The following USP42 variants were observed in gnomAD, a reference collection of about 807,000 sequenced individuals.
The protein encoded by USP42 is ubiquitin specific peptidase 42, also known as ubiquitin carboxyl-terminal hydrolase 42.
A neutral mutation model predicts 113.0 loss-of-function variants in USP42; 23 were observed. The observed-to-expected ratio is 0.20, with a 90% CI of 0.15 to 0.29. The LOEUF (loss-of-function observed/expected upper bound fraction) is 0.29, where lower values mean the gene tolerates loss of function less well. Among genes scored for constraint, USP42 ranks in the 10% least tolerant of loss-of-function variants. The pLI, the probability that USP42 is intolerant of heterozygous loss-of-function variation, is 1.00. For missense variants in USP42, 2,174 were observed against 1,779.8 expected (o/e 1.22, Z -3.99); for synonymous variants, 933 against 699.0 (o/e 1.33, Z -5.28).
intron 3 of USP42, among the ~76,000 whole-genome samples, chr7:6,132,832 C>G (rs552541106): frequency 6.6e-6 from 1 of 152,106 alleles, no homozygotes; most frequent in Non-Finnish European, 1.5e-5. Flanking sequence ...CCACCACACC[C>G]GGCTAATTTT....
rs144016118 is a variant in USP42, at chr7:6,149,011, C to T, written c.1387-572C>T. ...GTGAGGAGACGCTGGGAAGGCCACACGTGATCTGTTAACTGACTTTCACGC... is the reference window on the plus strand; with the variant it reads ...GTGAGGAGACGCTGGGAAGGCCACATGTGATCTGTTAACTGACTTTCACGC... On this transcript the variant is annotated intron_variant, in intron 12 of 17. Coordinates refer to ENST00000306177, the MANE Select transcript of USP42 (RefSeq NM_032172.3). 2.2e-3 allele frequency among the ~76,000 whole-genome samples: 333 copies of T among 152,318 alleles called. 1 individual carries two copies. The highest frequency in any genetic ancestry group is 7.2e-3 in the African/African-American group (299 of 41,558).
At position 6,159,722 on chromosome 7, in the gene USP42, C is replaced by T. The variant is rs878986736; in HGVS notation, c.*36+229C>T. Among the ~76,000 whole-genome samples, 2 of 152,322 alleles carry T rather than the reference C, an allele frequency of 1.3e-5. No homozygotes were observed. Among genetic ancestry groups the T allele is most frequent in the South Asian group, 2.1e-4 (1 of 4,828 alleles). ...TTTGCATTACTGGCTGGGGAAGACC[C>T]GCATCCTTCACGCAGGCAGAGTCGC... On this transcript the variant is annotated intron_variant, in intron 17 of 17. Transcript: ENST00000306177. The surrounding 1 kb of genome is among the most constrained non-coding windows in gnomAD (Gnocchi z 4.1).
chr7:6,103,499 A>T (rs923872094), upstream of USP42, among the ~76,000 whole-genome samples: 1 of 148,146 alleles, frequency 6.8e-6, no homozygotes, highest in Non-Finnish European at 1.5e-5. Flanking sequence ...CCTGGGCCAT[A>T]AGAGCAAACT....
chr7:6,108,893 A>G (rs920531974), intron 1 of USP42, among the ~76,000 whole-genome samples: 3 of 152,230 alleles, frequency 2.0e-5, no homozygotes, highest in African/African-American at 7.2e-5. Flanking sequence ...AGCAAACGCT[A>G]GTTGTTTTCT....
chr7:6,097,000 G>A, the USP42 span, among the ~76,000 whole-genome samples: 7 of 149,418 alleles, frequency 4.7e-5, no homozygotes, highest in Non-Finnish European at 1.0e-4. Flanking sequence ...CTTGGCTCCC[G>A]GGTTCAAGTG....
At chr7:6,132,752 A>G (rs1407593321) in intron 3 of USP42, among the ~76,000 whole-genome samples, 1 of 150,752 alleles carries the variant, frequency 6.6e-6, no homozygotes, top group Non-Finnish European at 1.5e-5. Context: ...GCTCACTGCA[A>G]CCTCCGCCTC....
At chr7:6,136,066 G>A (rs1037934774) in intron 4 of USP42, 115 bp downstream of exon 4, 10 of 616,380 alleles carry the variant, frequency 1.6e-5, no homozygotes, top group Non-Finnish European at 1.9e-5. Flanking sequence ...ATGTAGTGGC[G>A]CTATTTCGGC....
Position 6,139,024 on chromosome 7 carries a change from T to C in USP42, c.554-68T>C. The C allele has an allele frequency of 1.0e-6, 1 of 990,588 alleles. No individual in the cohort carries two copies. The highest frequency in any genetic ancestry group is 1.5e-6 in the Non-Finnish European group (1 of 666,592). The allele number at this position is 990,588 out of a possible 1,614,324, so 61.4% of individuals were successfully genotyped here. ...AACCAACATATTATTATAAGATATA[T>C]TTTGGGGGGTACAACTTAGGCTTAT... On this transcript the variant is annotated intron_variant, in intron 4 of 17. Coordinates refer to ENST00000306177, the MANE Select transcript of USP42 (RefSeq NM_032172.3). The surrounding 1 kb of genome is among the most constrained non-coding windows in gnomAD (Gnocchi z 4.5).
chr7:6,109,013 C>G (rs1198771354), intron 1 of USP42, among the ~76,000 whole-genome samples: 1 of 152,148 alleles, frequency 6.6e-6, no homozygotes, highest in Non-Finnish European at 1.5e-5. Context: ...AGTAAAACAG[C>G]TGTGGAGTAG....
At chr7:6,109,436 A>G (rs1292485045) in intron 1 of USP42, among the ~76,000 whole-genome samples, 1 of 152,166 alleles carries the variant, frequency 6.6e-6, no homozygotes, top group Non-Finnish European at 1.5e-5. Context: ...TCTCTATGTC[A>G]GTCTGGAGTG....
chr7:6,141,489 C>G (rs1210898256), intron 7 of USP42, among the ~76,000 whole-genome samples: 1 of 151,908 alleles, frequency 6.6e-6, no homozygotes, highest in African/African-American at 2.4e-5. Context: ...AGCCACCGCG[C>G]CCGGCCTGAA....
intron 11 of USP42, among the ~76,000 whole-genome samples, chr7:6,146,471 C>T (rs1345829340): frequency 6.6e-6 from 1 of 152,094 alleles, no homozygotes; most frequent in Admixed American, 6.5e-5. Context: ...ACCGACCAGC[C>T]TGGGCAACAT....
the USP42 span, among the ~76,000 whole-genome samples, chr7:6,085,624 A>ATATTTT: frequency 1.4e-5 from 2 of 138,334 alleles, no homozygotes; most frequent in Non-Finnish European, 3.0e-5. Context: ...ATATATATAT[A>ATATTTT]TTTTTTTTGA....
At position 6,154,083 on chromosome 7, in the gene USP42, G is replaced by C. The variant is rs1434410680; in HGVS notation, c.2529G>C (p.Pro843=). The C allele has an allele frequency of 1.2e-6, 2 of 1,605,582 alleles. No homozygotes were observed. Among genetic ancestry groups the C allele is most frequent in the Admixed American group, 3.3e-5 (2 of 59,966 alleles). Reference sequence around the variant, plus strand: ...CAAAGGGGATGATCGCGGAGGGCCCGCGGGACTCGGCGTTGGCGGAAGCCC... The same window carrying C: ...CAAAGGGGATGATCGCGGAGGGCCCCCGGGACTCGGCGTTGGCGGAAGCCC... ...QDAKGMIAEG[P]RDSALAEAPE... is the part of the protein sequence containing the mutation. Residue 843 remains proline, a synonymous_variant, in exon 15 of 18, where the codon CCG becomes CCC. Transcript: ENST00000306177.
rs367756775 is a variant in USP42 at position 6,154,539 on chromosome 7, C to T, written c.2985C>T (p.Ala995=). The T allele has an allele frequency of 8.7e-4, 1,345 of 1,545,554 alleles. 8 individuals are homozygous for T. In the African/African-American group the frequency reaches 0.015, roughly 17 times the overall value. Residue 995 remains alanine (A), a synonymous_variant, in exon 15 of 18, where the codon GCC becomes GCT. Coordinates refer to ENST00000306177, the MANE Select transcript of USP42 (RefSeq NM_032172.3). ...PRERDRQDRH[A]PEHHPGHGDR... is the part of the protein sequence containing the mutation. Reference sequence around the variant, plus strand: ...AGCGCGACCGCCAGGACCGCCACGCCCCGGAGCACCACCCCGGCCACGGCG... The same window carrying T: ...AGCGCGACCGCCAGGACCGCCACGCTCCGGAGCACCACCCCGGCCACGGCG...
chr7:6,133,667 G>A (rs933488292), intron 3 of USP42, among the ~76,000 whole-genome samples: 6 of 151,806 alleles, frequency 4.0e-5, no homozygotes, highest in African/African-American at 1.2e-4. Flanking sequence ...CTACAAGCAC[G>A]TGCCACCACA....
chr7:6,154,532 G>T lies in USP42; in HGVS notation c.2978G>T (p.Arg993Leu). 6.5e-7 allele frequency: 1 copy of T among 1,542,766 alleles called. No homozygotes were observed. Among genetic ancestry groups the T allele is most frequent in the Non-Finnish European group, 8.7e-7 (1 of 1,144,932 alleles). The change falls in exon 15 of 18, where the codon CGC becomes CTC. Residue 993 changes from arginine to leucine, a missense_variant. Arg to Leu is a moderately radical substitution (Grantham distance 102, BLOSUM62 -2). Coordinates refer to ENST00000306177, the MANE Select transcript of USP42 (RefSeq NM_032172.3). ...TCPRERDRQD[R>L]HAPEHHPGHG... ...CCCCGGGAGCGCGACCGCCAGGACCGCCACGCCCCGGAGCACCACCCCGGC... is the reference window on the plus strand; with the variant it reads ...CCCCGGGAGCGCGACCGCCAGGACCTCCACGCCCCGGAGCACCACCCCGGC...
intron 3 of USP42, among the ~76,000 whole-genome samples, chr7:6,117,132 A>G (rs1001071145): frequency 1.7e-4 from 26 of 152,180 alleles, no homozygotes; most frequent in African/African-American, 6.0e-4. Context: ...CATCAAGATT[A>G]AGATAATGAA....
chr7:6,122,279 G>GTT (rs55777900), intron 3 of USP42, among the ~76,000 whole-genome samples: 30 of 133,482 alleles, frequency 2.2e-4, no homozygotes, highest in Admixed American at 4.5e-4. Context: ...TCATGTGTCA[G>GTT]TTTTTTTTTT....
Sources: allele counts gnomAD v4.1 joint callset (sites outside exome capture counted in the v4.1 genomes callset), GRCh38; gene constraint gnomAD v4.1.1; non-coding constraint Gnocchi (gnomAD v3.1); transcripts MANE v1.5; gene names NCBI Gene and HGNC (gene_info 2026-07-23, HGNC 2026-07-21).